The following ANGPT1 variants were observed in gnomAD, a reference collection of about 807,000 sequenced individuals.
ANGPT1 encodes angiopoietin 1.
ANGPT1 carries 17 observed loss-of-function variants against 62.2 expected under a neutral mutation model. The observed-to-expected ratio is 0.27, with a 90% CI of 0.19 to 0.41. ANGPT1 has a LOEUF of 0.41. Among genes scored for constraint, ANGPT1 ranks in the 10% least tolerant of loss-of-function variants. The probability of loss-of-function intolerance (pLI) is 1.00; values close to 1 mark genes in which losing one functional copy is unlikely to be tolerated. For missense variants in ANGPT1, 478 were observed against 594.9 expected, an observed-to-expected ratio of 0.80 and a Z score of 2.04; for synonymous variants, 199 against 198.9, an observed-to-expected ratio of 1.00 and a Z score of 0.00.
intron 2 of ANGPT1, among the ~76,000 whole-genome samples, chr8:107,340,722 G>A (rs1167195301): frequency 6.6e-6 from 1 of 150,516 alleles, no homozygotes; most frequent in Non-Finnish European, 1.5e-5. Context: ...TCAAACTCCT[G>A]GGTTCAAGCA....
Position 107,439,502 on chromosome 8 carries a change from G to A in ANGPT1, c.297+57760C>T, listed in dbSNP as rs553688134. The stretch of plus-strand genomic sequence containing the variant: ...GATCTATATTTATGGCTGTCAGAGA[G>A]CTTGGTAGAGTGTTTTACATGAATC... On this transcript the variant is annotated intron_variant, in intron 1 of 8. Coordinates refer to ENST00000517746, the MANE Select transcript of ANGPT1 (RefSeq NM_001146.5). Among the ~76,000 whole-genome samples, 3 of 152,286 alleles carry A rather than the reference G, an allele frequency of 2.0e-5. No homozygotes were observed. The South Asian group carries it at 6.2e-4, about 32-fold the overall frequency.
At chr8:107,277,705 A>G (rs1369156777) in intron 7 of ANGPT1, among the ~76,000 whole-genome samples, 2 of 152,230 alleles carry the variant, frequency 1.3e-5, no homozygotes, top group Admixed American at 6.5e-5. Context: ...AGACAATATC[A>G]TTTATTTAGT....
chr8:107,375,544 A>G (rs1043611439), intron 1 of ANGPT1, among the ~76,000 whole-genome samples: 1 of 152,188 alleles, frequency 6.6e-6, no homozygotes, highest in Non-Finnish European at 1.5e-5. Context: ...CTAACATTCA[A>G]ATATTAGTAT....
At chr8:107,321,059 A>T (rs921696384) in intron 4 of ANGPT1, among the ~76,000 whole-genome samples, 1 of 152,096 alleles carries the variant, frequency 6.6e-6, no homozygotes, top group African/African-American at 2.4e-5. Context: ...TTAGAGAAAT[A>T]CAGAAGATGA....
rs180901145 is a variant in ANGPT1, at chr8:107,278,240, G to T, written c.1205+6442C>A. 2.0e-4 allele frequency among the ~76,000 whole-genome samples: 31 copies of T among 151,854 alleles called. 1 individual carries two copies. The East Asian group carries it at 5.8e-3, about 29-fold the overall frequency. On this transcript the variant is annotated intron_variant, in intron 7 of 8. Coordinates refer to ENST00000517746, the MANE Select transcript of ANGPT1 (RefSeq NM_001146.5). The stretch of plus-strand genomic sequence containing the variant: ...ATGGGTGTGCAACACCACGCCAAGT[G>T]AATGTTTGTTTTTTTAATTTTTAAT...
In ANGPT1 at chr8:107,348,169, C is replaced by G. The variant is rs180675775; in HGVS notation, c.298-1072G>C. On this transcript the variant is annotated intron_variant, in intron 1 of 8. Coordinates refer to ENST00000517746, the MANE Select transcript of ANGPT1 (RefSeq NM_001146.5). Reference sequence around the variant, plus strand: ...GCACTGAAGTCCTTAACTCTCATACCAACACTTTCAACCACTTGATAGCTA... The same window carrying G: ...GCACTGAAGTCCTTAACTCTCATACGAACACTTTCAACCACTTGATAGCTA... Among the ~76,000 whole-genome samples, 4 of 152,238 alleles carry G rather than the reference C, an allele frequency of 2.6e-5. No homozygotes were observed. The East Asian group carries it at 7.7e-4, about 29-fold the overall frequency.
At position 107,294,259 on chromosome 8, in the gene ANGPT1, A is replaced by G. The variant is rs6469108; in HGVS notation, c.937-222T>C. On this transcript the variant is annotated intron_variant, in intron 5 of 8. Transcript: ENST00000517746. ...ATTCCATCAATGATGAATAAATTAC[A>G]TGCACAAATTTTAGTCAGCTGAAAA... 0.57 allele frequency: 214,454 copies of G among 377,788 alleles called. 62,547 individuals carry two copies. The highest frequency in any genetic ancestry group is 0.78 in the African/African-American group (36,954 of 47,576). The allele number at this position is 377,788 out of a possible 1,614,324, so 23.4% of individuals were successfully genotyped here.
intron 1 of ANGPT1, among the ~76,000 whole-genome samples, chr8:107,473,585 A>G (rs903537821): frequency 6.6e-6 from 1 of 152,128 alleles, no homozygotes; most frequent in Non-Finnish European, 1.5e-5. Context: ...TTTATTTTCA[A>G]AATGGAACCA....
At chr8:107,323,377 T>C (rs1043157854) in intron 3 of ANGPT1, among the ~76,000 whole-genome samples, 4 of 152,210 alleles carry the variant, frequency 2.6e-5, no homozygotes, top group Admixed American at 2.0e-4. Flanking sequence ...GCACTTAATT[T>C]ACCTTGGAGA....
rs1283126361 is a variant in ANGPT1, at chr8:107,470,531, GC to G, written c.297+26730del. On this transcript the variant is annotated intron_variant, in intron 1 of 8. Transcript: ENST00000517746. ...CTTTCTTTGTAGATTCTAGATATTA[GC>G]CCTTTGTCAGATGGATAGATTGCAA... 2.0e-5 allele frequency among the ~76,000 whole-genome samples: 3 copies of G among 152,008 alleles called. No individual in the cohort carries two copies. The East Asian group carries it at 5.8e-4, about 29-fold the overall frequency.
At chr8:107,343,921 G>A (rs1191560526) in intron 2 of ANGPT1, among the ~76,000 whole-genome samples, 4 of 152,074 alleles carry the variant, frequency 2.6e-5, no homozygotes, top group East Asian at 3.9e-4. Flanking sequence ...AGTTAGCTGA[G>A]CATGGTGGCA....
chr8:107,497,529 G>T lies in ANGPT1; in HGVS notation c.30C>A (p.Leu10=), dbSNP rs1397739647. The change falls in exon 1 of 9, where the codon CTC becomes CTA. Residue 10 remains leucine (L), a synonymous_variant. Transcript: ENST00000517746. The part of the protein sequence containing the change: MTVFLSFAF[L]AAILTHIGCS... ...ACCCTATGTGAGTCAGAATGGCAGC[G>T]AGGAAAGCAAAGGAAAGGAAAACTG... 6.2e-6 allele frequency: 10 copies of T among 1,613,904 alleles called. No homozygotes were observed. The highest frequency in any genetic ancestry group is 8.5e-6 in the Non-Finnish European group (10 of 1,179,980).
At chr8:107,393,715 C>A (rs752762039) in intron 1 of ANGPT1, among the ~76,000 whole-genome samples, 1 of 152,046 alleles carries the variant, frequency 6.6e-6, no homozygotes, top group East Asian at 1.9e-4. Flanking sequence ...GAGGCTGAGA[C>A]GAGAGAATCA....
At chr8:107,497,147 GC>G in intron 1 of ANGPT1, 114 bp downstream of exon 1, 2 of 1,235,156 alleles carry the variant, frequency 1.6e-6, no homozygotes, top group Non-Finnish European at 2.3e-6. Flanking sequence ...TGCAAACACT[GC>G]CCCCCTGGAG....
At chr8:107,373,615 A>T (rs1816461911) in intron 1 of ANGPT1, among the ~76,000 whole-genome samples, 1 of 152,212 alleles carries the variant, frequency 6.6e-6, no homozygotes, top group Non-Finnish European at 1.5e-5. Context: ...GCCTGAAGAA[A>T]GAAGTGAGAT....
At chr8:107,261,228 AT>A (rs1404409101) in intron 8 of ANGPT1, among the ~76,000 whole-genome samples, 2 of 151,950 alleles carry the variant, frequency 1.3e-5, no homozygotes, top group Admixed American at 6.6e-5. Flanking sequence ...AAAAATAAAA[AT>A]TTTCTATCAG....
At chr8:107,399,817 C>A (rs185253350) in intron 1 of ANGPT1, among the ~76,000 whole-genome samples, 253 of 152,276 alleles carry the variant, frequency 1.7e-3, no homozygotes, top group African/African-American at 5.5e-3. Context: ...CCTTGAGATG[C>A]CAATCTCACT....
chr8:107,346,869 T>G, intron 2 of ANGPT1, 73 bp downstream of exon 2: 1 of 1,364,902 alleles, frequency 7.3e-7, no homozygotes, highest in Non-Finnish European at 1.0e-6. Context: ...ATGTGCTCTG[T>G]GTTTATGGAG....
intron 4 of ANGPT1, among the ~76,000 whole-genome samples, chr8:107,307,091 C>T (rs531695657): frequency 1.1e-4 from 16 of 152,154 alleles, no homozygotes; most frequent in African/African-American, 3.6e-4. Context: ...CTTTCTTTGA[C>T]CAGATATTCT....
Sources: allele counts gnomAD v4.1 joint callset (sites outside exome capture counted in the v4.1 genomes callset), GRCh38; gene constraint gnomAD v4.1.1; transcripts MANE v1.5; gene names NCBI Gene and HGNC (gene_info 2026-07-23, HGNC 2026-07-21).